LSAMP: variants seen among roughly 807,000 people sequenced by gnomAD.
The protein encoded by LSAMP is limbic system-associated membrane protein.
A neutral mutation model predicts 38.6 loss-of-function variants in LSAMP; 7 were observed. The ratio of observed to expected loss-of-function variants is 0.18; its 90% CI spans 0.10 to 0.34. LSAMP has a LOEUF of 0.34. Among genes scored for constraint, LSAMP ranks in the 10% least tolerant of loss-of-function variants. The probability of loss-of-function intolerance (pLI) is 1.00; values close to 1 mark genes in which losing one functional copy is unlikely to be tolerated. For synonymous variants in LSAMP, 154 were observed against 166.8 expected (o/e 0.92, Z 0.59); for missense variants, 313 against 420.0 (o/e 0.75, Z 2.23).
intron 3 of LSAMP, among the ~76,000 whole-genome samples, chr3:115,897,056 G>T (rs917768127): frequency 2.0e-5 from 3 of 152,064 alleles, no homozygotes; most frequent in African/African-American, 7.2e-5. Flanking sequence ...GATGGGGAAG[G>T]AATAAGAAGC....
intron 3 of LSAMP, among the ~76,000 whole-genome samples, chr3:115,943,063 A>C (rs559791566): frequency 5.8e-4 from 88 of 152,338 alleles, no homozygotes; most frequent in African/African-American, 2.0e-3. Context: ...ATTTTCAGTT[A>C]TAAGGAAATA....
At chr3:116,382,598 A>G (rs1215372100) in intron 1 of LSAMP, among the ~76,000 whole-genome samples, 1 of 151,994 alleles carries the variant, frequency 6.6e-6, no homozygotes, top group Non-Finnish European at 1.5e-5. Context: ...GCACATGCAT[A>G]CATATGTAAC....
intron 1 of LSAMP, among the ~76,000 whole-genome samples, chr3:116,315,730 T>C (rs1050149296): frequency 6.6e-6 from 1 of 152,206 alleles, no homozygotes; most frequent in African/African-American, 2.4e-5. Context: ...ACCTATCTCC[T>C]CATTTTATTC....
At position 116,350,675 on chromosome 3, in the gene LSAMP, C is replaced by T. The variant is rs559252205; in HGVS notation, c.155+94202G>A. Among the ~76,000 whole-genome samples, 7 of 151,318 alleles carry T rather than the reference C, an allele frequency of 4.6e-5. No individual in the cohort carries two copies. The South Asian group carries it at 1.3e-3, about 27-fold the overall frequency. On this transcript the variant is annotated intron_variant, in intron 1 of 6. Coordinates refer to ENST00000490035, the MANE Select transcript of LSAMP (RefSeq NM_002338.5). ...GCCCCAAGGCACATAAGTAGTGATG[C>T]TAGCAATTTGAACATGCCGAAGAGA...
At chr3:116,399,290 A>G (rs556973784) in intron 1 of LSAMP, among the ~76,000 whole-genome samples, 1 of 152,358 alleles carries the variant, frequency 6.6e-6, no homozygotes, top group South Asian at 2.1e-4. Flanking sequence ...AGAAAGCCAT[A>G]ACTACAAAAT....
chr3:116,272,154 A>G (rs777760706), intron 1 of LSAMP, among the ~76,000 whole-genome samples: 1 of 151,610 alleles, frequency 6.6e-6, no homozygotes, highest in Non-Finnish European at 1.5e-5. Flanking sequence ...AAATAAATAT[A>G]TATATATATA....
At chr3:115,945,360 A>C (rs3884593) in intron 3 of LSAMP, among the ~76,000 whole-genome samples, 2 of 151,940 alleles carry the variant, frequency 1.3e-5, no homozygotes. Flanking sequence ...ACTTGCCCTA[A>C]TTAGGTATTC....
At chr3:116,029,983 T>C (rs1014509672) in intron 2 of LSAMP, among the ~76,000 whole-genome samples, 2 of 152,062 alleles carry the variant, frequency 1.3e-5, no homozygotes, top group African/African-American at 4.8e-5. Flanking sequence ...GGAGGGTTAA[T>C]TTGAATTAGA....
chr3:116,212,844 G>T (rs1221388320), intron 1 of LSAMP, among the ~76,000 whole-genome samples: 1 of 152,172 alleles, frequency 6.6e-6, no homozygotes, highest in Non-Finnish European at 1.5e-5. Context: ...AGGGGGATGG[G>T]AGCAGTAGAC....
intron 1 of LSAMP, among the ~76,000 whole-genome samples, chr3:116,230,361 T>C (rs2046389998): frequency 6.6e-6 from 1 of 152,176 alleles, no homozygotes; most frequent in African/African-American, 2.4e-5. Flanking sequence ...TGCTTCTAAA[T>C]TAGTACAGCA....
intron 6 of LSAMP, among the ~76,000 whole-genome samples, chr3:115,833,532 G>A (rs1354398828): frequency 6.6e-6 from 1 of 152,058 alleles, no homozygotes; most frequent in Non-Finnish European, 1.5e-5. Context: ...ATATGTGAAT[G>A]CATATACATG....
intron 1 of LSAMP, among the ~76,000 whole-genome samples, chr3:116,211,432 A>G (rs2046154793): frequency 6.6e-6 from 1 of 152,212 alleles, no homozygotes; most frequent in South Asian, 2.1e-4. Flanking sequence ...ACATGTTTCA[A>G]AGCATCATGT....
At chr3:116,113,570 C>T (rs1416475701) in intron 1 of LSAMP, among the ~76,000 whole-genome samples, 2 of 149,222 alleles carry the variant, frequency 1.3e-5, no homozygotes, top group African/African-American at 2.5e-5. Context: ...GGACTACAGG[C>T]GCCCGCCACT....
chr3:116,013,753 A>G (rs1172108618), intron 3 of LSAMP, among the ~76,000 whole-genome samples: 2 of 152,236 alleles, frequency 1.3e-5, no homozygotes, highest in African/African-American at 4.8e-5. Context: ...AAGTGTGATT[A>G]AAAAAGAGAT....
chr3:116,257,570 AT>A (rs372830820), intron 1 of LSAMP, among the ~76,000 whole-genome samples: 10,877 of 151,236 alleles, frequency 0.072, 483 homozygotes, highest in Non-Finnish European at 0.089. Context: ...AAAATTAAAG[AT>A]TTTTTTTTTC....
intron 1 of LSAMP, among the ~76,000 whole-genome samples, chr3:116,426,934 C>G (rs1000464836): frequency 6.0e-5 from 9 of 151,004 alleles, no homozygotes; most frequent in Non-Finnish European, 1.2e-4. Flanking sequence ...AACTTGAAAA[C>G]AAAAATCTCC....
intron 1 of LSAMP, among the ~76,000 whole-genome samples, chr3:116,150,989 T>C (rs1046316493): frequency 2.0e-4 from 30 of 151,990 alleles, no homozygotes; most frequent in African/African-American, 7.2e-4. Context: ...GTTTTAAGAA[T>C]TGGATGAGAC....
At chr3:116,072,266 C>T (rs548600351) in intron 2 of LSAMP, among the ~76,000 whole-genome samples, 36 of 152,172 alleles carry the variant, frequency 2.4e-4, no homozygotes, top group East Asian at 1.7e-3. Flanking sequence ...TGAGCCACCG[C>T]GCCCCGCCAG....
chr3:116,313,778 AC>A, intron 1 of LSAMP, among the ~76,000 whole-genome samples: 1 of 152,270 alleles, frequency 6.6e-6, no homozygotes, highest in Admixed American at 6.5e-5. Context: ...GCATGGTGAA[AC>A]CCTGTCTGTA....
Sources: allele counts gnomAD v4.1 joint callset (sites outside exome capture counted in the v4.1 genomes callset), GRCh38; gene constraint gnomAD v4.1.1; transcripts MANE v1.5; gene names NCBI Gene and HGNC (gene_info 2026-07-23, HGNC 2026-07-21).